The following CAST variants were observed in gnomAD, a reference collection of about 807,000 sequenced individuals.
CAST encodes the protein MIR583 host.
Under a neutral mutation model 119.6 loss-of-function variants are expected in CAST, and 76 were observed. The ratio of observed to expected loss-of-function variants is 0.64; its 90% CI spans 0.53 to 0.77. The LOEUF (loss-of-function observed/expected upper bound fraction) is 0.77, where lower values mean the gene tolerates loss of function less well. Among genes scored for constraint, CAST ranks in the 30% least tolerant of loss-of-function variants. The pLI is 0.00. For synonymous variants in CAST, 319 were observed against 331.6 expected (o/e 0.96, Z 0.41); for missense variants, 953 against 946.5 (o/e 1.01, Z -0.09).
chr5:96,492,970 A>G, the CAST span, among the ~76,000 whole-genome samples: 1,085 of 152,370 alleles, frequency 7.1e-3, 9 homozygotes, highest in African/African-American at 0.025. Context: ...AAAAATGTTT[A>G]TGTCACATAA....
At chr5:96,461,864 C>G in the CAST span, among the ~76,000 whole-genome samples, 2 of 151,992 alleles carry the variant, frequency 1.3e-5, no homozygotes, top group African/African-American at 2.4e-5. Context: ...TGATTAAGTC[C>G]CAGCTTGAAG....
chr5:96,267,443 A>G, the CAST span, among the ~76,000 whole-genome samples: 2 of 152,234 alleles, frequency 1.3e-5, no homozygotes, highest in African/African-American at 2.4e-5. Flanking sequence ...AAGAAAGCAA[A>G]TAACAAATAA....
intron 29 of CAST, chr5:96,769,150 C>T (rs562716646): frequency 6.6e-6 from 1 of 152,280 alleles, no homozygotes; most frequent in South Asian, 2.1e-4. Context: ...TTCTGCAGAT[C>T]TCAGTTTGCT....
chr5:96,367,177 C>G, the CAST span, among the ~76,000 whole-genome samples: 1 of 152,188 alleles, frequency 6.6e-6, no homozygotes, highest in Non-Finnish European at 1.5e-5. Flanking sequence ...CTGATCGTTC[C>G]TCTGGAAGCT....
At chr5:96,186,066 T>G in the CAST span, among the ~76,000 whole-genome samples, 1 of 152,146 alleles carries the variant, frequency 6.6e-6, no homozygotes, top group Non-Finnish European at 1.5e-5. Flanking sequence ...GGTCCTTCAC[T>G]TCCCATGTTA....
At chr5:95,971,544 G>C in the CAST span, among the ~76,000 whole-genome samples, 1 of 152,082 alleles carries the variant, frequency 6.6e-6, no homozygotes, top group Non-Finnish European at 1.5e-5. Flanking sequence ...TCGACAAACA[G>C]AACAATTCTA....
chr5:96,521,240 C>T (rs887834955), upstream of CAST, among the ~76,000 whole-genome samples: 2 of 152,194 alleles, frequency 1.3e-5, no homozygotes, highest in African/African-American at 2.4e-5. Flanking sequence ...ATTTGATCAT[C>T]TCACTCTGCT....
the CAST span, among the ~76,000 whole-genome samples, chr5:96,433,904 T>A: frequency 1.3e-5 from 2 of 152,238 alleles, no homozygotes; most frequent in East Asian, 3.8e-4. Context: ...ACTCCGATAT[T>A]GCAAAGCCAG....
At chr5:96,684,271 T>C (rs1751789923) in intron 2 of CAST, among the ~76,000 whole-genome samples, 1 of 152,220 alleles carries the variant, frequency 6.6e-6, no homozygotes, top group South Asian at 2.1e-4. Context: ...AGGTGCTCTA[T>C]AAATCTTACC....
At chr5:96,732,566 G>T (rs1350870155) in intron 9 of CAST, among the ~76,000 whole-genome samples, 1 of 150,408 alleles carries the variant, frequency 6.6e-6, no homozygotes, top group Admixed American at 6.7e-5. Flanking sequence ...TTTTGGACAT[G>T]AAGTCCTTGC....
the CAST span, among the ~76,000 whole-genome samples, chr5:96,500,422 T>G: frequency 3.6e-3 from 555 of 152,352 alleles, 2 homozygotes; most frequent in Non-Finnish European, 5.1e-3. Flanking sequence ...TACTTTGTTT[T>G]GTGCTGTTGG....
intron 22 of CAST, 165 bp downstream of exon 22, chr5:96,754,906 C>T (rs572121179): frequency 4.3e-6 from 2 of 464,372 alleles, no homozygotes; most frequent in Non-Finnish European, 7.8e-6. Context: ...ACACCAGATA[C>T]AAAGCTAAAA....
At chr5:96,552,461 A>C (rs1413405122) in intron 1 of CAST, among the ~76,000 whole-genome samples, 2 of 152,202 alleles carry the variant, frequency 1.3e-5, no homozygotes, top group African/African-American at 4.8e-5. Context: ...CCACAGGAGA[A>C]AGCAGGAGAG....
chr5:96,517,128 G>A, the CAST span, among the ~76,000 whole-genome samples: 2 of 151,758 alleles, frequency 1.3e-5, no homozygotes, highest in Admixed American at 1.3e-4. Context: ...ACTCAGTAAT[G>A]TTTGTTCTAC....
the CAST span, among the ~76,000 whole-genome samples, chr5:96,094,992 A>T: frequency 6.6e-6 from 1 of 152,206 alleles, no homozygotes; most frequent in Non-Finnish European, 1.5e-5. Context: ...CTTGAAAAAA[A>T]TGAGTATTCC....
chr5:96,736,897 G>T (rs1401917699), intron 10 of CAST, among the ~76,000 whole-genome samples: 3 of 152,116 alleles, frequency 2.0e-5, no homozygotes, highest in Non-Finnish European at 4.4e-5. Context: ...AAGAAAAGAG[G>T]TTTAATTGAC....
At chr5:96,761,380 A>G (rs2150672824) in intron 24 of CAST, 1 of 152,330 alleles carries the variant, frequency 6.6e-6, no homozygotes, top group South Asian at 2.1e-4. Flanking sequence ...AAAATATTAC[A>G]TTCTAAAACG....
At chr5:96,208,375 G>A in the CAST span, among the ~76,000 whole-genome samples, 2 of 151,736 alleles carry the variant, frequency 1.3e-5, no homozygotes, top group Admixed American at 1.3e-4. Context: ...TTTAGGATTG[G>A]TTTGCTCTTG....
At chr5:96,443,703 A>G in the CAST span, among the ~76,000 whole-genome samples, 20 of 152,344 alleles carry the variant, frequency 1.3e-4, no homozygotes, top group Non-Finnish European at 2.4e-4. Context: ...TTGGTGTGGC[A>G]TGGGTCACAC....
Sources: allele counts gnomAD v4.1 joint callset (sites outside exome capture counted in the v4.1 genomes callset), GRCh38; gene constraint gnomAD v4.1.1; transcripts MANE v1.5; gene names NCBI Gene and HGNC (gene_info 2026-07-23, HGNC 2026-07-21).